The following LRRC63 variants were observed in gnomAD, a reference collection of about 807,000 sequenced individuals.
LRRC63 encodes the protein leucine rich repeat containing 63, also known as leucine-rich repeat-containing protein 63.
LRRC63 carries 40 observed loss-of-function variants against 49.5 expected under a neutral mutation model. The ratio of observed to expected loss-of-function variants is 0.81; its 90% CI spans 0.63 to 1.05. The LOEUF (loss-of-function observed/expected upper bound fraction) is 1.05. LRRC63 is among the 50% of genes least tolerant of loss of function. The pLI is 0.00. For synonymous variants in LRRC63, 191 were observed against 221.1 expected, an observed-to-expected ratio of 0.86 and a Z score of 1.21; for missense variants, 636 against 663.1, an observed-to-expected ratio of 0.96 and a Z score of 0.45.
chr13:46,236,187 A>G (rs1266726789), intron 5 of LRRC63, among the ~76,000 whole-genome samples: 1 of 152,120 alleles, frequency 6.6e-6, no homozygotes, highest in Non-Finnish European at 1.5e-5. Flanking sequence ...ATCATCAAGT[A>G]TACCAACATA....
chr13:46,271,520 A>T (rs963687883), intron 9 of LRRC63, among the ~76,000 whole-genome samples: 6 of 152,192 alleles, frequency 3.9e-5, no homozygotes, highest in Non-Finnish European at 8.8e-5. Context: ...TAAATGAGGG[A>T]TATGTGAAAA....
chr13:46,273,438 T>C (rs2047786581), intron 9 of LRRC63, among the ~76,000 whole-genome samples: 1 of 151,618 alleles, frequency 6.6e-6, no homozygotes, highest in African/African-American at 2.4e-5. Flanking sequence ...CTGTCTCTAC[T>C]AAAAATACAA....
chr13:46,273,911 C>CAA (rs34967125), intron 9 of LRRC63, among the ~76,000 whole-genome samples: 8 of 100,754 alleles, frequency 7.9e-5, no homozygotes, highest in East Asian at 7.9e-4. Flanking sequence ...GACTCTGTCT[C>CAA]AAAAAAAAAA....
At position 46,247,112 on chromosome 13, in the gene LRRC63, T is replaced by C. The variant is rs114946213; in HGVS notation, c.1089+487T>C. Among the ~76,000 whole-genome samples the C allele has an allele frequency of 7.1e-3, 1,088 of 152,278 alleles. 14 individuals carry two copies. The highest frequency in any genetic ancestry group is 0.022 in the African/African-American group (924 of 41,566). ...ACCATTATGAGTGATTAGGACAAATTACGTTTTTCGTGTCTTTAGTCATTG... is the reference window on the plus strand; with the variant it reads ...ACCATTATGAGTGATTAGGACAAATCACGTTTTTCGTGTCTTTAGTCATTG... On this transcript the variant is annotated intron_variant, in intron 6 of 9. Coordinates refer to ENST00000595396, the Ensembl canonical transcript of LRRC63.
intron 5 of LRRC63, among the ~76,000 whole-genome samples, chr13:46,237,672 A>G (rs548761828): frequency 6.6e-6 from 1 of 152,166 alleles, no homozygotes; most frequent in Non-Finnish European, 1.5e-5. Flanking sequence ...GGTTATTTGT[A>G]AAGATCAATA....
intron 5 of LRRC63, among the ~76,000 whole-genome samples, chr13:46,235,955 T>G (rs1361835632): frequency 6.6e-6 from 1 of 151,872 alleles, no homozygotes; most frequent in Non-Finnish European, 1.5e-5. Flanking sequence ...AATAAAGAGA[T>G]GGAAATGACA....
rs73478518 is a variant in LRRC63 at position 46,242,984 on chromosome 13, T to C, written c.991-3543T>C. Among the ~76,000 whole-genome samples the C allele has an allele frequency of 7.5e-3, 1,141 of 152,304 alleles. 13 individuals are homozygous for C. Among genetic ancestry groups the C allele is most frequent in the African/African-American group, 0.026 (1,092 of 41,562 alleles). On this transcript the variant is annotated intron_variant, in intron 5 of 9. Transcript: ENST00000595396. ...ATTTCAAAATATAAAACTCACTGCTTCAAGTAAGAAAATTGAAAACTAGAC... is the reference window on the plus strand; with the variant it reads ...ATTTCAAAATATAAAACTCACTGCTCCAAGTAAGAAAATTGAAAACTAGAC...
intron 5 of LRRC63, among the ~76,000 whole-genome samples, chr13:46,239,630 T>A (rs1427000169): frequency 1.3e-5 from 2 of 152,204 alleles, no homozygotes; most frequent in Admixed American, 6.5e-5. Flanking sequence ...CCTCCCTAAC[T>A]GATTCAGTGA....
chr13:46,219,794 A>C (rs535581922), intron 2 of LRRC63, among the ~76,000 whole-genome samples: 1 of 152,216 alleles, frequency 6.6e-6, no homozygotes, highest in South Asian at 2.1e-4. Context: ...CTGTGTGGAC[A>C]TCTTTTTGTT....
chr13:46,247,164 G>A (rs754971506), intron 6 of LRRC63, among the ~76,000 whole-genome samples: 5 of 152,034 alleles, frequency 3.3e-5, no homozygotes, highest in Non-Finnish European at 7.4e-5. Context: ...GTAATTGGTG[G>A]TTTTGTGAAT....
At chr13:46,258,872 T>C (rs1461807777) in intron 7 of LRRC63, among the ~76,000 whole-genome samples, 1 of 152,056 alleles carries the variant, frequency 6.6e-6, no homozygotes, top group Non-Finnish European at 1.5e-5. Flanking sequence ...TTTCACAGAT[T>C]AGTCTCTTTT....
At chr13:46,223,028 A>C (rs1479799338) in intron 2 of LRRC63, among the ~76,000 whole-genome samples, 1 of 128,518 alleles carries the variant, frequency 7.8e-6, no homozygotes, top group Non-Finnish European at 1.6e-5. Context: ...ACATGGACAC[A>C]GGAAGGGGAA....
chr13:46,216,973 G>A (rs1000244503), intron 2 of LRRC63, among the ~76,000 whole-genome samples: 3 of 152,174 alleles, frequency 2.0e-5, no homozygotes, highest in African/African-American at 7.2e-5. Flanking sequence ...TGATTGTGGT[G>A]GATAAGCTTT....
intron 6 of LRRC63, among the ~76,000 whole-genome samples, chr13:46,249,723 T>C (rs940128487): frequency 1.5e-4 from 23 of 151,936 alleles, no homozygotes; most frequent in Admixed American, 1.3e-3. Flanking sequence ...TTTGGACCTT[T>C]ATGATGATAA....
chr13:46,270,106 G>T, intron 9 of LRRC63: 1 of 646,094 alleles, frequency 1.5e-6, no homozygotes, highest in South Asian at 1.7e-5. Context: ...CCGCAGAGCC[G>T]GTGGTGCCTT....
At chr13:46,263,630 T>C (rs2047644823) in intron 8 of LRRC63, among the ~76,000 whole-genome samples, 2 of 152,162 alleles carry the variant, frequency 1.3e-5, no homozygotes, top group Admixed American at 6.5e-5. Flanking sequence ...AGAACAGTTA[T>C]TTTCTTTGGA....
chr13:46,244,996 A>G (rs36121211), intron 5 of LRRC63, among the ~76,000 whole-genome samples: 13,010 of 152,264 alleles, frequency 0.085, 627 homozygotes, highest in East Asian at 0.18. Flanking sequence ...ACTGATGGTT[A>G]AAAAGTAAAA....
intron 7 of LRRC63, among the ~76,000 whole-genome samples, chr13:46,252,811 G>A (rs1468229066): frequency 3.9e-5 from 6 of 151,968 alleles, no homozygotes; most frequent in Non-Finnish European, 7.4e-5. Context: ...GGAAATACAA[G>A]CAGTTTGCTG....
At position 46,261,161 on chromosome 13, in the gene LRRC63, C is replaced by T. The variant is rs138781139; in HGVS notation, c.1227-748C>T. 2.0e-5 allele frequency among the ~76,000 whole-genome samples: 3 copies of T among 152,226 alleles called. No individual in the cohort carries two copies. The East Asian group carries it at 5.8e-4, about 29-fold the overall frequency. ...ATTCTTTGGTTCTCACCTTTAAGTA[C>T]TTGTCTTGATGGAAAGAAAGATTAA... On this transcript the variant is annotated intron_variant, in intron 7 of 9. Coordinates refer to ENST00000595396, the Ensembl canonical transcript of LRRC63.
Sources: allele counts gnomAD v4.1 joint callset (sites outside exome capture counted in the v4.1 genomes callset), GRCh38; gene constraint gnomAD v4.1.1; transcripts MANE v1.5; gene names NCBI Gene and HGNC (gene_info 2026-07-23, HGNC 2026-07-21).